SRSF4: variants seen among roughly 807,000 people sequenced by gnomAD.
The protein encoded by SRSF4 is serine and arginine rich splicing factor 4.
SRSF4 carries 12 observed loss-of-function variants against 48.8 expected under a neutral mutation model. The ratio of observed to expected loss-of-function variants is 0.25; its 90% CI spans 0.16 to 0.40. The LOEUF (loss-of-function observed/expected upper bound fraction) is 0.40. Ranked by LOEUF, SRSF4 falls within the 10% of genes least tolerant of loss-of-function variation. The pLI, the probability that SRSF4 is intolerant of heterozygous loss-of-function variation, is 1.00. For synonymous variants in SRSF4, 248 were observed against 232.5 expected (o/e 1.07, Z -0.61); for missense variants, 466 against 667.1 (o/e 0.70, Z 3.32).
chr1:29,148,210 A>C lies in SRSF4; in HGVS notation c.*200T>G. The C allele has an allele frequency of 1.3e-6, 1 of 794,338 alleles. No homozygotes were observed. The highest frequency in any genetic ancestry group is 1.5e-5 in the South Asian group (1 of 68,420). 49.2% of individuals were successfully genotyped at this position (794,338 alleles called of 1,614,324 possible). ...AGTAAAAGGGGATTTTCAAAGAGAA[A>C]ATTTTTTTCAGTCGAGCAGGAAGGC... On this transcript the variant is annotated 3_prime_UTR_variant, in exon 6 of 6. Transcript: ENST00000373795.
chr1:29,161,694 G>A (rs980095044), intron 1 of SRSF4, among the ~76,000 whole-genome samples: 1 of 152,208 alleles, frequency 6.6e-6, no homozygotes, highest in African/African-American at 2.4e-5. Context: ...CACCTCCTGG[G>A]TTCAAGTGAT....
At chr1:29,178,796 A>G (rs1026086402) in intron 1 of SRSF4, among the ~76,000 whole-genome samples, 2 of 151,926 alleles carry the variant, frequency 1.3e-5, no homozygotes, top group African/African-American at 4.8e-5. Flanking sequence ...TTCCTTTCAG[A>G]CTCTCCAGCG....
chr1:29,151,966 A>G (rs4654329), intron 4 of SRSF4, among the ~76,000 whole-genome samples: 1,779 of 152,286 alleles, frequency 0.012, 73 homozygotes, highest in East Asian at 0.11. Flanking sequence ...GAAGAAACCA[A>G]TTGCAAAAAT....
At chr1:29,174,188 C>T (rs1226499584) in intron 1 of SRSF4, among the ~76,000 whole-genome samples, 1 of 117,360 alleles carries the variant, frequency 8.5e-6, no homozygotes, top group Non-Finnish European at 1.7e-5. Flanking sequence ...ATTGAGACCC[C>T]ATCTCAAAAA....
chr1:29,176,108 C>A (rs1202195373), intron 1 of SRSF4, among the ~76,000 whole-genome samples: 1 of 151,928 alleles, frequency 6.6e-6, no homozygotes, highest in Non-Finnish European at 1.5e-5. Flanking sequence ...AAAAATTAGC[C>A]GGGCGTGGTG....
chr1:29,163,622 A>C (rs1672629712), intron 1 of SRSF4, among the ~76,000 whole-genome samples: 1 of 152,232 alleles, frequency 6.6e-6, no homozygotes, highest in African/African-American at 2.4e-5. Context: ...TAATAAAAAT[A>C]AAATGTTACC....
intron 1 of SRSF4, chr1:29,173,211 C>G (rs1672773160): frequency 7.2e-6 from 1 of 139,414 alleles, no homozygotes; most frequent in Admixed American, 7.7e-5. Flanking sequence ...GATCTCGGCT[C>G]ACTGCAAGCT....
At chr1:29,159,234 C>T in intron 3 of SRSF4, 140 bp downstream of exon 3, 2 of 565,526 alleles carry the variant, frequency 3.5e-6, no homozygotes, top group South Asian at 5.0e-5. Flanking sequence ...TCATATGGCA[C>T]TTTAATTATT....
At chr1:29,157,767 C>T (rs756789118) in intron 3 of SRSF4, among the ~76,000 whole-genome samples, 2 of 152,262 alleles carry the variant, frequency 1.3e-5, no homozygotes, top group Admixed American at 6.5e-5. Context: ...CCAAAAAAAG[C>T]GAGAAGGGAG....
intron 1 of SRSF4, among the ~76,000 whole-genome samples, chr1:29,167,663 G>C (rs938388092): frequency 6.6e-6 from 1 of 152,162 alleles, no homozygotes; most frequent in African/African-American, 2.4e-5. Context: ...GATTACAGGC[G>C]TGAGCCACTG....
At chr1:29,154,095 C>G (rs2151813442) in intron 4 of SRSF4, among the ~76,000 whole-genome samples, 1 of 152,152 alleles carries the variant, frequency 6.6e-6, no homozygotes, top group South Asian at 2.1e-4. Flanking sequence ...CTCTTGTTGC[C>G]CAGGCTGGAG....
At chr1:29,156,838 C>T (rs1357589573) in intron 3 of SRSF4, among the ~76,000 whole-genome samples, 1 of 152,092 alleles carries the variant, frequency 6.6e-6, no homozygotes, top group Non-Finnish European at 1.5e-5. Flanking sequence ...GGCCAGGGGG[C>T]CAATTGCAAA....
chr1:29,164,779 C>T lies in SRSF4; in HGVS notation c.108-4262G>A, dbSNP rs542981802. 1.2e-4 allele frequency among the ~76,000 whole-genome samples: 19 copies of T among 152,298 alleles called. 1 individual carries two copies. In the South Asian group the frequency reaches 1.5e-3, roughly 12 times the overall value. On this transcript the variant is annotated intron_variant, in intron 1 of 5. Coordinates refer to ENST00000373795, the MANE Select transcript of SRSF4 (RefSeq NM_005626.5). ...CCTGCGATACACTTTCAATCTTCCTCCCCTATGCATATGAAAGAATAAAAA... is the reference window on the plus strand; with the variant it reads ...CCTGCGATACACTTTCAATCTTCCTTCCCTATGCATATGAAAGAATAAAAA...
At position 29,148,706 on chromosome 1, in the gene SRSF4, C is replaced by T. The variant is rs1553321218; in HGVS notation, c.1189G>A (p.Glu397Lys). ...CTGGACTGGGAGCGGTCAGTGTCTT[C>T]CTTCTTCTTCTTCTTGCTGCTGCCC... ...KAGSSKKKKKEDTDRSQSRSP... is the reference protein window; with the variant it reads ...KAGSSKKKKKKDTDRSQSRSP... The change falls in exon 6 of 6, where the codon GAA becomes AAA. Residue 397 changes from glutamate (E) to lysine (K), a missense_variant. Glu to Lys is a moderately conservative substitution (Grantham distance 56, BLOSUM62 1). This residue lies in a region of SRSF4 where 402 missense variants were observed against 437.0 expected (regional missense o/e 0.92). Coordinates refer to ENST00000373795, the MANE Select transcript of SRSF4 (RefSeq NM_005626.5). 2 of 1,613,388 alleles carry T rather than the reference C, an allele frequency of 1.2e-6. No individual in the cohort carries two copies. The highest frequency in any genetic ancestry group is 1.7e-5 in the Admixed American group (1 of 59,950).
Position 29,154,836 on chromosome 1 carries a change from T to C in SRSF4, c.438A>G (p.Glu146=). 6.2e-7 allele frequency: 1 copy of C among 1,614,160 alleles called. No individual in the cohort carries two copies. Among genetic ancestry groups the C allele is most frequent in the African/African-American group, 1.3e-5 (1 of 75,044 alleles). Residue 146 remains glutamate (E), a synonymous_variant, in exon 4 of 6, where the codon GAA becomes GAG. Transcript: ENST00000373795. ...HKGRKNEGVI[E]FVSYSDMKRA... The stretch of plus-strand genomic sequence containing the variant: ...TTTTCATATCAGAATAAGATACAAA[T>C]TCAATCACCCCTTCATTTTTGCGTC...
intron 3 of SRSF4, among the ~76,000 whole-genome samples, chr1:29,157,768 G>A (rs1015898238): frequency 3.3e-5 from 5 of 152,150 alleles, no homozygotes; most frequent in East Asian, 1.9e-4. Context: ...CAAAAAAAGC[G>A]AGAAGGGAGA....
At chr1:29,169,723 C>T (rs899763319) in intron 1 of SRSF4, 1 of 152,164 alleles carries the variant, frequency 6.6e-6, no homozygotes, top group Non-Finnish European at 1.5e-5. Flanking sequence ...ACTAACCAAA[C>T]TCAAGCCCAT....
Position 29,149,090 on chromosome 1 carries a change from T to C in SRSF4, c.805A>G (p.Ser269Gly). 6 of 1,614,014 alleles carry C rather than the reference T, an allele frequency of 3.7e-6. No individual in the cohort carries two copies. Among genetic ancestry groups the C allele is most frequent in the Non-Finnish European group, 5.1e-6 (6 of 1,180,016 alleles). ...SHSAGKSRSK[S>G]KDQAEEKIQN... ...ATCTTCTCTTCAGCTTGGTCTTTGC[T>C]CTTGCTGCGGCTCTTGCCAGCGCTA... is the stretch of plus-strand genomic sequence containing the variant. The change falls in exon 6 of 6, where the codon AGC (serine) becomes GGC (glycine). Residue 269 changes from serine (S) to glycine (G), a missense_variant. Physicochemically the swap from Ser to Gly is moderately conservative, Grantham distance 56. Around this residue, in one of 2 missense-constraint regions of SRSF4, gnomAD observed 402 missense variants for 437.0 expected, o/e 0.92. Coordinates refer to ENST00000373795, the MANE Select transcript of SRSF4 (RefSeq NM_005626.5).
rs370856596 is a variant in SRSF4, at chr1:29,149,179, C to T, written c.716G>A (p.Arg239Gln). The T allele has an allele frequency of 8.1e-6, 13 of 1,611,220 alleles. No individual in the cohort carries two copies. Among genetic ancestry groups the T allele is most frequent in the Middle Eastern group, 1.8e-4 (1 of 5,538 alleles). Reference sequence around the variant, plus strand: ...GCTTTTCTCTTTCTTGCTCCGGCTCCGACTCTGGCTCCGGCTCCGGCTCTT... The same window carrying T: ...GCTTTTCTCTTTCTTGCTCCGGCTCTGACTCTGGCTCCGGCTCCGGCTCTT... ...RSKSRSRSQS[R>Q]SRSKKEKSRS... Residue 239 changes from arginine (R) to glutamine (Q), a missense_variant, in exon 6 of 6, where the codon CGG becomes CAG. Arg to Gln is a conservative substitution (Grantham distance 43). Around this residue, in one of 2 missense-constraint regions of SRSF4, gnomAD observed 402 missense variants for 437.0 expected, o/e 0.92. Transcript: ENST00000373795.
Sources: gnomAD v4.1 joint callset for allele counts (sites outside exome capture counted in the v4.1 genomes callset) on GRCh38, gnomAD v4.1.1 for gene constraint, gnomAD v4.1.1 regional missense constraint, MANE v1.5 for transcripts, NCBI Gene and HGNC (gene_info 2026-07-23, HGNC 2026-07-21) for gene names.